Variants in IFT56 observed in about 807,000 individuals in gnomAD.
The protein encoded by IFT56 is intraflagellar transport 56, also known as intraflagellar transport protein 56.
chr7:139,138,832 A>G, the IFT56 span, among the ~76,000 whole-genome samples: 1 of 137,096 alleles, frequency 7.3e-6, no homozygotes, highest in East Asian at 2.1e-4. Flanking sequence ...TTTTTTTGAT[A>G]CGGAGTCTTG....
At chr7:139,162,680 G>T in the IFT56 span, among the ~76,000 whole-genome samples, 1 of 152,188 alleles carries the variant, frequency 6.6e-6, no homozygotes, top group African/African-American at 2.4e-5. Flanking sequence ...ACTTATTTTG[G>T]CCGGTCGCGG....
chr7:139,140,047 G>T, the IFT56 span: 1 of 1,302,912 alleles, frequency 7.7e-7, no homozygotes, highest in Non-Finnish European at 1.1e-6. Context: ...TCATAGTTAA[G>T]AGTTGTTTTG....
At chr7:139,169,147 G>A in the IFT56 span, 1 of 670,856 alleles carries the variant, frequency 1.5e-6, no homozygotes, top group Non-Finnish European at 2.5e-6. Context: ...TAGTTGTTAT[G>A]TTAATGAGAA....
At chr7:139,148,134 A>G in the IFT56 span, 1 of 1,415,636 alleles carries the variant, frequency 7.1e-7, no homozygotes, top group South Asian at 1.3e-5. Flanking sequence ...TGCCTTGTCC[A>G]TTTGAGCTTT....
chr7:139,139,055 G>A, the IFT56 span, among the ~76,000 whole-genome samples: 2 of 151,998 alleles, frequency 1.3e-5, no homozygotes, highest in South Asian at 4.1e-4. Context: ...CTTGTGATCC[G>A]CCCGCCTCGG....
chr7:139,145,216 A>AT, the IFT56 span, among the ~76,000 whole-genome samples: 54 of 151,668 alleles, frequency 3.6e-4, 1 homozygote, highest in Admixed American at 3.5e-3. Context: ...CCCAATCTCT[A>AT]TTTTTTTGTC....
the IFT56 span, among the ~76,000 whole-genome samples, chr7:139,158,250 G>T: frequency 2.8e-5 from 4 of 142,362 alleles, no homozygotes; most frequent in Non-Finnish European, 5.9e-5. Flanking sequence ...GGAGGCAGAG[G>T]TTGCAGTGAG....
the IFT56 span, among the ~76,000 whole-genome samples, chr7:139,158,326 C>G: frequency 1.7e-5 from 2 of 120,472 alleles, no homozygotes; most frequent in African/African-American, 8.4e-5. Context: ...AAAAAAAAAA[C>G]CAACAAAGTA....
chr7:139,146,254 T>C, the IFT56 span, among the ~76,000 whole-genome samples: 2 of 152,138 alleles, frequency 1.3e-5, no homozygotes, highest in South Asian at 2.1e-4. Flanking sequence ...TTCTGCCCCA[T>C]ATATAAGCAA....
At chr7:139,180,475 T>G in the IFT56 span, among the ~76,000 whole-genome samples, 1 of 152,190 alleles carries the variant, frequency 6.6e-6, no homozygotes, top group South Asian at 2.1e-4. Flanking sequence ...TTTGGGAGCT[T>G]GAGGCAGGCA....
chr7:139,186,174 T>G, the IFT56 span, among the ~76,000 whole-genome samples: 1 of 152,182 alleles, frequency 6.6e-6, no homozygotes, highest in Non-Finnish European at 1.5e-5. Context: ...AAGCCTGTAA[T>G]CCCTGCACTT....
At chr7:139,180,991 T>C in the IFT56 span, 2 of 684,000 alleles carry the variant, frequency 2.9e-6, no homozygotes, top group Non-Finnish European at 4.8e-6. Context: ...ATTACTTTAT[T>C]TGGAATATAG....
At chr7:139,159,706 A>G in the IFT56 span, among the ~76,000 whole-genome samples, 1 of 152,240 alleles carries the variant, frequency 6.6e-6, no homozygotes, top group African/African-American at 2.4e-5. Context: ...AAACAATAAC[A>G]TTGTTCTCAC....
the IFT56 span, chr7:139,142,245 T>C: frequency 6.2e-7 from 1 of 1,614,048 alleles, no homozygotes; most frequent in Non-Finnish European, 8.5e-7. Context: ...CAGCTTGGAT[T>C]TTTTTTTCAG....
the IFT56 span, among the ~76,000 whole-genome samples, chr7:139,145,517 C>T: frequency 6.6e-6 from 1 of 152,138 alleles, no homozygotes; most frequent in South Asian, 2.1e-4. Flanking sequence ...CTCTGCCTCC[C>T]AGGCTTGAGC....
chr7:139,134,634 C>A, the IFT56 span: 1 of 1,595,822 alleles, frequency 6.3e-7, no homozygotes. Context: ...GACCATACAG[C>A]TGTCTTTGTT....
the IFT56 span, among the ~76,000 whole-genome samples, chr7:139,188,857 T>G: frequency 6.6e-6 from 1 of 152,212 alleles, no homozygotes; most frequent in Non-Finnish European, 1.5e-5. Context: ...TTTGTAAAAT[T>G]TTATGAATTT....
the IFT56 span, among the ~76,000 whole-genome samples, chr7:139,145,861 GATTACAA>G: frequency 6.6e-6 from 1 of 151,962 alleles, no homozygotes; most frequent in Admixed American, 6.6e-5. Context: ...TTTTTCTTCT[GATTACAA>G]AAATAATACA....
chr7:139,168,627 G>T, the IFT56 span: 3 of 463,504 alleles, frequency 6.5e-6, no homozygotes, highest in South Asian at 3.8e-5. Context: ...TGTTTAAAAG[G>T]GTCCAATTTT....
Sources: gnomAD v4.1 joint callset for allele counts (sites outside exome capture counted in the v4.1 genomes callset) on GRCh38, gnomAD v4.1.1 for gene constraint, MANE v1.5 for transcripts, NCBI Gene and HGNC (gene_info 2026-07-23, HGNC 2026-07-21) for gene names.